KIAA1217: variants seen among roughly 807,000 people sequenced by gnomAD.
KIAA1217 encodes KIAA1217, also known as sickle tail protein homolog.
KIAA1217 carries 88 observed loss-of-function variants against 163.9 expected under a neutral mutation model. That is an observed-to-expected ratio of 0.54 (90% CI 0.45 to 0.64). KIAA1217 has a LOEUF of 0.64. KIAA1217 is among the 30% of genes least tolerant of loss of function. KIAA1217 has a pLI of 0.00. For synonymous variants in KIAA1217, 903 were observed against 923.1 expected (o/e 0.98, Z 0.39); for missense variants, 2,372 against 2,475.0 (o/e 0.96, Z 0.88).
At chr10:24,086,294 G>A (rs977664928) in intron 2 of KIAA1217, among the ~76,000 whole-genome samples, 2 of 152,174 alleles carry the variant, frequency 1.3e-5, no homozygotes, top group Admixed American at 6.5e-5. Context: ...CATTCCTTTT[G>A]CTTTTGACAA....
intron 1 of KIAA1217, among the ~76,000 whole-genome samples, chr10:23,781,428 A>G (rs1213685875): frequency 6.6e-6 from 1 of 152,066 alleles, no homozygotes; most frequent in African/African-American, 2.4e-5. Context: ...GAAAATATCT[A>G]TCCAGGTCCT....
chr10:24,446,967 AGT>A (rs1011464938), intron 5 of KIAA1217, among the ~76,000 whole-genome samples: 35 of 152,178 alleles, frequency 2.3e-4, no homozygotes, highest in African/African-American at 8.2e-4. Flanking sequence ...TGTCTTCATC[AGT>A]GTGTCGATGA....
intron 2 of KIAA1217, among the ~76,000 whole-genome samples, chr10:24,331,576 G>A (rs2045674528): frequency 6.6e-6 from 1 of 152,238 alleles, no homozygotes; most frequent in Non-Finnish European, 1.5e-5. Context: ...GATGAACAAA[G>A]CGTGGCTTGA....
chr10:23,957,205 C>T (rs1377357713), intron 1 of KIAA1217, among the ~76,000 whole-genome samples: 2 of 152,120 alleles, frequency 1.3e-5, no homozygotes, highest in South Asian at 2.1e-4. Flanking sequence ...TGTGTGCTGG[C>T]CCTCGTGTGC....
intron 3 of KIAA1217, among the ~76,000 whole-genome samples, chr10:24,428,551 G>A (rs2059351743): frequency 6.6e-6 from 1 of 152,096 alleles, no homozygotes; most frequent in South Asian, 2.1e-4. Flanking sequence ...TACTAGGCTG[G>A]TTACATCATC....
chr10:24,532,027 T>G (rs202093041), intron 15 of KIAA1217, 34 bp downstream of exon 15: 10 of 1,457,858 alleles, frequency 6.9e-6, no homozygotes, highest in Non-Finnish European at 9.1e-6. Context: ...AACTGGCCTC[T>G]GGGTTCAGAT....
chr10:23,975,914 A>T (rs7912455), intron 1 of KIAA1217, among the ~76,000 whole-genome samples: 1 of 151,906 alleles, frequency 6.6e-6, no homozygotes. Context: ...CATTGCACCC[A>T]TTTTCTTGAT....
At chr10:23,776,775 G>A (rs1293244152) in intron 1 of KIAA1217, among the ~76,000 whole-genome samples, 1 of 149,840 alleles carries the variant, frequency 6.7e-6, no homozygotes, top group Non-Finnish European at 1.5e-5. Flanking sequence ...CTGCCTCCTG[G>A]GTTCAAACAA....
chr10:23,915,592 GA>G (rs1314744909), intron 1 of KIAA1217, among the ~76,000 whole-genome samples: 76 of 152,170 alleles, frequency 5.0e-4, no homozygotes, highest in African/African-American at 1.7e-3. Flanking sequence ...GCATGCTAGG[GA>G]AAGATGGGTA....
chr10:24,006,619 T>G (rs1847010569), intron 1 of KIAA1217, among the ~76,000 whole-genome samples: 1 of 152,168 alleles, frequency 6.6e-6, no homozygotes, highest in Admixed American at 6.6e-5. Flanking sequence ...CATCCATAAT[T>G]TTGAAATCTT....
At chr10:24,413,864 T>A (rs1000998371) in intron 3 of KIAA1217, among the ~76,000 whole-genome samples, 8 of 152,098 alleles carry the variant, frequency 5.3e-5, no homozygotes, top group African/African-American at 1.7e-4. Flanking sequence ...CCACACCCTG[T>A]TTTGTCTTTT....
At chr10:24,314,384 C>G (rs545531194) in intron 2 of KIAA1217, among the ~76,000 whole-genome samples, 1 of 152,324 alleles carries the variant, frequency 6.6e-6, no homozygotes. Flanking sequence ...AATAACCCCT[C>G]AGCTCAGCAC....
At chr10:24,092,250 T>C (rs1354885317) in intron 2 of KIAA1217, among the ~76,000 whole-genome samples, 1 of 151,692 alleles carries the variant, frequency 6.6e-6, no homozygotes, top group African/African-American at 2.4e-5. Flanking sequence ...AATTAAAGCA[T>C]TGCTTTCACT....
At chr10:23,706,430 G>A (rs1452302814) in intron 1 of KIAA1217, among the ~76,000 whole-genome samples, 1 of 152,092 alleles carries the variant, frequency 6.6e-6, no homozygotes, top group Non-Finnish European at 1.5e-5. Flanking sequence ...ACTTTATCAG[G>A]TTGAGGAAGT....
intron 5 of KIAA1217, among the ~76,000 whole-genome samples, chr10:24,440,732 A>G (rs143628651): frequency 1.1e-4 from 17 of 152,298 alleles, no homozygotes; most frequent in African/African-American, 1.9e-4. Context: ...AAACTCAATC[A>G]TTGTCCCCAA....
At chr10:24,429,193 G>A (rs1014624594) in intron 3 of KIAA1217, among the ~76,000 whole-genome samples, 1 of 152,114 alleles carries the variant, frequency 6.6e-6, no homozygotes, top group Admixed American at 6.5e-5. Context: ...TGTTGAGAAA[G>A]CTATTGCCTT....
chr10:24,534,036 T>G (rs2073562079), intron 16 of KIAA1217, among the ~76,000 whole-genome samples: 2 of 152,212 alleles, frequency 1.3e-5, no homozygotes. Context: ...GTCAATCAGA[T>G]AGTTGGAACA....
intron 1 of KIAA1217, among the ~76,000 whole-genome samples, chr10:23,889,045 A>G (rs560051851): frequency 6.6e-6 from 1 of 152,006 alleles, no homozygotes; most frequent in East Asian, 2.0e-4. Context: ...TCATTGCTAA[A>G]TAGTATTCAA....
At chr10:24,352,709 C>T (rs992418294) in intron 2 of KIAA1217, among the ~76,000 whole-genome samples, 4 of 152,052 alleles carry the variant, frequency 2.6e-5, no homozygotes, top group Non-Finnish European at 5.9e-5. Flanking sequence ...GGTGGGAGGG[C>T]ATCGTGATAC....
Sources: allele counts gnomAD v4.1 joint callset (sites outside exome capture counted in the v4.1 genomes callset), GRCh38; gene constraint gnomAD v4.1.1; transcripts MANE v1.5; gene names NCBI Gene and HGNC (gene_info 2026-07-23, HGNC 2026-07-21).